Variants in PHKA2 observed in about 807,000 individuals in gnomAD.
The protein encoded by PHKA2 is phosphorylase kinase regulatory subunit alpha 2.
In PHKA2, 31 loss-of-function variants were observed where a neutral mutation model predicts 102.0. The ratio of observed to expected loss-of-function variants is 0.30; its 90% confidence interval spans 0.23 to 0.41. The LOEUF is 0.41. Ranked by LOEUF, PHKA2 falls within the 10% of genes least tolerant of loss-of-function variation. The probability of loss-of-function intolerance (pLI) is 1.00; values close to 1 mark genes in which losing one functional copy is unlikely to be tolerated. For synonymous variants in PHKA2, 455 were observed against 416.2 expected, an observed-to-expected ratio of 1.09 and a Z score of -1.13; for missense variants, 858 against 1,023.1, an observed-to-expected ratio of 0.84 and a Z score of 2.20.
chrX:18,924,754 T>G (rs912555038), intron 15 of PHKA2, among the ~76,000 whole-genome samples: 1 of 111,877 alleles, frequency 8.9e-6, no homozygotes, highest in Admixed American at 9.5e-5. Flanking sequence ...CACTGCTAGA[T>G]TTATTTCCAG....
intron 30 of PHKA2, 95 bp from the exon 31 acceptor site, chrX:18,895,286 G>A (rs938903869): frequency 2.5e-6 from 2 of 816,293 alleles, no homozygotes; most frequent in African/African-American, 2.0e-5. Flanking sequence ...AGCACCCTCT[G>A]CCCTGGAAAC....
Position 18,924,492 on chromosome X carries a change from C to A in PHKA2, c.1603G>T (p.Asp535Tyr). 1 of 1,210,707 alleles carries A rather than the reference C, an allele frequency of 8.3e-7. No individual in the cohort carries two copies. Reference protein sequence around the residue: ...TDQHHFYLALDNEMIVEMLRI... With the variant: ...TDQHHFYLALYNEMIVEMLRI... ...AGCATCTCCACGATCATCTCATTGT[C>A]GAGGGCCAGGTAGAAGTGATGCTGG... The change falls in exon 16 of 33, where the codon GAC becomes TAC. Residue 535 changes from aspartate (D) to tyrosine (Y), a missense_variant. This residue lies in a region of PHKA2 where 671 missense variants were observed against 745.2 expected (regional missense o/e 0.90). Coordinates refer to ENST00000379942, the MANE Select transcript of PHKA2 (RefSeq NM_000292.3).
chrX:18,908,741 C>T, intron 21 of PHKA2, 60 bp downstream of exon 21: 1 of 990,089 alleles, frequency 1.0e-6, no homozygotes, highest in African/African-American at 1.9e-5. Context: ...TTCTGTTGTT[C>T]CTAAGCCAAT....
intron 1 of PHKA2, among the ~76,000 whole-genome samples, chrX:18,973,668 T>C (rs1380502297): frequency 1.8e-5 from 2 of 112,203 alleles, no homozygotes; most frequent in Non-Finnish European, 3.8e-5. Context: ...CAGTTTAAGA[T>C]AGGGATTATC....
Position 18,893,564 on chromosome X carries a change from C to T in PHKA2, c.3629G>A (p.Gly1210Glu), listed in dbSNP as rs1601685358. 1 of 1,211,076 alleles carries T rather than the reference C, an allele frequency of 8.3e-7. No homozygotes were observed. The highest frequency in any genetic ancestry group is 1.1e-6 in the Non-Finnish European group (1 of 894,644). The change falls in exon 33 of 33, where the codon GGG (glycine) becomes GAG (glutamate). Residue 1210 changes from glycine to glutamate, a missense_variant. By Grantham distance (98) the Gly-to-Glu change is moderately conservative. This residue lies in a region of PHKA2 where 671 missense variants were observed against 745.2 expected (regional missense o/e 0.90). Coordinates refer to ENST00000379942, the MANE Select transcript of PHKA2 (RefSeq NM_000292.3). ...TGCTCTTGTTAGGTAGGTCATCGTC[C>T]CATAAGCCCCACTCGGAGCGCTGTC... ...FYDSAPSGAY[G>E]TMTYLTRAVA...
At chrX:18,910,352 C>T (rs1032304407) in intron 20 of PHKA2, among the ~76,000 whole-genome samples, 2 of 111,573 alleles carry the variant, frequency 1.8e-5, no homozygotes, top group African/African-American at 3.3e-5. Flanking sequence ...TGGTGGCGCA[C>T]GCTGGTAGTC....
chrX:18,919,933 T>A, intron 18 of PHKA2, 99 bp downstream of exon 18: 3 of 642,143 alleles, frequency 4.7e-6, no homozygotes, highest in Non-Finnish European at 7.6e-6. Context: ...TTTTTAATTA[T>A]CAATCATTGT....
chrX:18,910,232 C>T (rs894858142), intron 20 of PHKA2, among the ~76,000 whole-genome samples: 2 of 112,635 alleles, frequency 1.8e-5, no homozygotes, highest in Non-Finnish European at 3.7e-5. Flanking sequence ...GTAATCCCAG[C>T]ACTTTGGGAG....
intron 19 of PHKA2, among the ~76,000 whole-genome samples, chrX:18,915,714 A>G (rs1321794904): frequency 9.0e-6 from 1 of 110,725 alleles, no homozygotes; most frequent in African/African-American, 3.3e-5. Context: ...AAAAACAGAC[A>G]CAATTTGGGG....
chrX:18,971,198 C>A (rs1017500748), intron 1 of PHKA2, among the ~76,000 whole-genome samples: 2 of 112,507 alleles, frequency 1.8e-5, no homozygotes, highest in Non-Finnish European at 3.7e-5. Flanking sequence ...TCATGAGTGA[C>A]ACATGACACT....
chrX:18,960,104 G>T (rs899976351), intron 1 of PHKA2, among the ~76,000 whole-genome samples: 1 of 111,766 alleles, frequency 8.9e-6, no homozygotes, highest in Non-Finnish European at 1.9e-5. Flanking sequence ...GAAAAATAAA[G>T]GGCAGGCCCC....
chrX:18,910,247 A>C (rs757283588), intron 20 of PHKA2, among the ~76,000 whole-genome samples: 1 of 112,612 alleles, frequency 8.9e-6, no homozygotes, highest in East Asian at 2.8e-4. Context: ...TGGGAGGCTA[A>C]GGTGAGAGGA....
At chrX:18,966,525 T>G (rs917242971) in intron 1 of PHKA2, among the ~76,000 whole-genome samples, 2 of 112,079 alleles carry the variant, frequency 1.8e-5, no homozygotes, top group Admixed American at 1.9e-4. Flanking sequence ...AATGGAGGAT[T>G]TGAGCACTTT....
chrX:18,942,847 TAAA>T (rs78129657), intron 7 of PHKA2, among the ~76,000 whole-genome samples: 3 of 85,727 alleles, frequency 3.5e-5, no homozygotes, highest in African/African-American at 4.4e-5. Context: ...GACCTCCTCT[TAAA>T]AAAAAAAAAA....
In PHKA2 at chrX:18,931,674, T is replaced by C. The variant is rs759452622; in HGVS notation, c.1212A>G (p.Gln404=). ...ACAGCGAGCTGAGGATGTACAAGGA[T>C]TGGCCCCACAGATGAGGCACCTTCC... The part of the protein sequence containing the change: ...PMGKVPHLWG[Q]SLYILSSLLA... The change falls in exon 12 of 33, where the codon CAA becomes CAG. Residue 404 remains glutamine, a synonymous_variant. Transcript: ENST00000379942. 6 of 1,204,558 alleles carry C rather than the reference T, an allele frequency of 5.0e-6. No individual in the cohort carries two copies. In the East Asian group the frequency reaches 1.8e-4, roughly 36 times the overall value.
In PHKA2 at chrX:18,948,882, C is replaced by T. The variant is rs183981235; in HGVS notation, c.455-56G>A. 1.3e-4 allele frequency: 93 copies of T among 741,101 alleles called. 1 individual carries two copies. The African/African-American group carries it at 1.7e-3, about 13-fold the overall frequency. The allele number at this position is 741,101 out of a possible 1,213,427, so 61.1% of individuals were successfully genotyped here. ...CCATGTTGCAGAGAGCTGCCAGTCA[C>T]AAATTACAAATATCACACTAGGAAA... On this transcript the variant is annotated intron_variant, in intron 4 of 32. Coordinates refer to ENST00000379942, the MANE Select transcript of PHKA2 (RefSeq NM_000292.3).
chrX:18,946,987 C>T (rs927223810), intron 5 of PHKA2, among the ~76,000 whole-genome samples: 3 of 110,131 alleles, frequency 2.7e-5, no homozygotes, highest in African/African-American at 9.9e-5. Context: ...TGTCTCCAGA[C>T]ATCGCCAAAT....
rs2047460915 is a variant in PHKA2, at chrX:18,893,326, C to T, written c.*159G>A. ...GCTCTATCTCTGTGGCTTTAACATA[C>T]ATCAGTTTCAGGGTGAGTGCTACCA... On this transcript the variant is annotated 3_prime_UTR_variant, in exon 33 of 33. Coordinates refer to ENST00000379942, the MANE Select transcript of PHKA2 (RefSeq NM_000292.3). The T allele has an allele frequency of 1.8e-6, 1 of 547,319 alleles. No homozygotes were observed. Among genetic ancestry groups the T allele is most frequent in the East Asian group, 3.4e-5 (1 of 29,242 alleles). The allele number at this position is 547,319 out of a possible 1,213,427, so 45.1% of individuals were successfully genotyped here. A position where few individuals can be genotyped will look rare whatever the true frequency, so the allele number is the denominator to read the frequency against.
At chrX:18,969,426 C>T (rs1010352400) in intron 1 of PHKA2, among the ~76,000 whole-genome samples, 1 of 111,596 alleles carries the variant, frequency 9.0e-6, no homozygotes, top group African/African-American at 3.3e-5. Flanking sequence ...GTACTTTTCA[C>T]GTCAACACAC....
Sources: gnomAD v4.1 joint callset for allele counts (sites outside exome capture counted in the v4.1 genomes callset) on GRCh38, gnomAD v4.1.1 for gene constraint, gnomAD v4.1.1 regional missense constraint, MANE v1.5 for transcripts, NCBI Gene and HGNC (gene_info 2026-07-23, HGNC 2026-07-21) for gene names.